Variants in TACC1 observed in about 807,000 individuals in gnomAD.
The protein encoded by TACC1 is transforming acidic coiled-coil-containing protein 1.
TACC1 carries 48 observed loss-of-function variants against 84.4 expected under a neutral mutation model. The ratio of observed to expected loss-of-function variants is 0.57; its 90% CI spans 0.45 to 0.72. The LOEUF (loss-of-function observed/expected upper bound fraction) is 0.72. Among genes scored for constraint, TACC1 ranks in the 30% least tolerant of loss-of-function variants. TACC1 has a pLI of 0.00. For missense variants in TACC1, 920 were observed against 973.0 expected (o/e 0.95, Z 0.72); for synonymous variants, 372 against 376.3 (o/e 0.99, Z 0.13).
intron 1 of TACC1, chr8:38,742,215 G>T: frequency 2.3e-6 from 1 of 427,510 alleles, no homozygotes; most frequent in Non-Finnish European, 4.1e-6. Context: ...GTTAGAAAAC[G>T]GTGACACACA....
At chr8:38,787,995 G>T (rs1817691222) in intron 1 of TACC1, 1 of 493,738 alleles carries the variant, frequency 2.0e-6, no homozygotes, top group Non-Finnish European at 3.5e-6. Flanking sequence ...CCGCATCCCC[G>T]CTGGCCTCGG....
At chr8:38,728,815 A>G (rs1804339221) in intron 1 of TACC1, 1 of 152,276 alleles carries the variant, frequency 6.6e-6, no homozygotes, top group Admixed American at 6.5e-5. Flanking sequence ...CGAATCTGGA[A>G]TAAGTTCAGG....
chr8:38,787,055 C>G (rs533730050), upstream of TACC1: 36 of 897,068 alleles, frequency 4.0e-5, no homozygotes, highest in Non-Finnish European at 4.8e-5. Context: ...CCCCGGCCCT[C>G]AGTCGGGCCG....
At chr8:38,758,503 AC>A (rs1375063236) in intron 3 of TACC1, among the ~76,000 whole-genome samples, 1 of 151,954 alleles carries the variant, frequency 6.6e-6, no homozygotes, top group East Asian at 1.9e-4. Context: ...ACATGGTGAA[AC>A]CCCGTCTCTA....
At chr8:38,808,081 A>C (rs997462781) in intron 2 of TACC1, among the ~76,000 whole-genome samples, 47 of 152,204 alleles carry the variant, frequency 3.1e-4, no homozygotes, top group African/African-American at 1.1e-3. Flanking sequence ...CTTTTAATTC[A>C]TCTACTGATC....
At chr8:38,752,308 A>G (rs1236523002) in intron 3 of TACC1, among the ~76,000 whole-genome samples, 1 of 152,058 alleles carries the variant, frequency 6.6e-6, no homozygotes, top group Non-Finnish European at 1.5e-5. Context: ...CGTCTCTACT[A>G]AAATACAAAA....
At chr8:38,813,657 A>C (rs910963572) in intron 2 of TACC1, among the ~76,000 whole-genome samples, 16 of 152,176 alleles carry the variant, frequency 1.1e-4, no homozygotes, top group Non-Finnish European at 2.9e-5. Context: ...TAGGTCTCTC[A>C]TCCTGTACTT....
intron 2 of TACC1, chr8:38,802,390 G>A (rs975021027): frequency 3.3e-5 from 5 of 152,248 alleles, no homozygotes; most frequent in South Asian, 4.1e-4. Flanking sequence ...ATTCTCATAG[G>A]AGTGCGAACC....
chr8:38,807,367 TGAGAATACAG>T (rs1173700739), intron 2 of TACC1, among the ~76,000 whole-genome samples: 8 of 152,220 alleles, frequency 5.3e-5, no homozygotes, highest in African/African-American at 1.9e-4. Context: ...CGTGTGTATG[TGAGAATACAG>T]GAGACTTGTC....
At chr8:38,801,125 ATATT>A (rs1461686179) in intron 2 of TACC1, among the ~76,000 whole-genome samples, 19 of 152,332 alleles carry the variant, frequency 1.2e-4, no homozygotes, top group African/African-American at 4.3e-4. Context: ...ACTAAGTTAT[ATATT>A]CTAGATGCAA....
chr8:38,847,975 G>A lies in TACC1; in HGVS notation c.2370G>A (p.Leu790=). 2 of 1,613,872 alleles carry A rather than the reference G, an allele frequency of 1.2e-6. No homozygotes were observed. Among genetic ancestry groups the A allele is most frequent in the Middle Eastern group, 1.7e-4 (1 of 6,060 alleles). The part of the protein sequence containing the change: ...LQQKNQEIEE[L]TKICDELIAK... ...TTCAGAACCAAGAAATTGAAGAACT[G>A]ACAAAAATCTGTGATGAGCTGATTG... The change falls in exon 13 of 13, where the codon CTG becomes CTA. Residue 790 remains leucine (L), a synonymous_variant. Transcript: ENST00000317827.
intron 2 of TACC1, among the ~76,000 whole-genome samples, chr8:38,813,221 A>C (rs1444563911): frequency 6.6e-6 from 1 of 152,086 alleles, no homozygotes; most frequent in Non-Finnish European, 1.5e-5. Flanking sequence ...TTTGTTCACA[A>C]TTTTTTTAAG....
intron 3 of TACC1, among the ~76,000 whole-genome samples, chr8:38,749,297 A>AT (rs1808608620): frequency 6.6e-6 from 1 of 152,218 alleles, no homozygotes; most frequent in Non-Finnish European, 1.5e-5. Context: ...TACTGAGAGA[A>AT]TTCTGGGTTT....
chr8:38,798,112 C>T (rs1488110557), intron 2 of TACC1, among the ~76,000 whole-genome samples: 1 of 150,154 alleles, frequency 6.7e-6, no homozygotes, highest in African/African-American at 2.4e-5. Context: ...GTTTGGGTCT[C>T]TTTTTATTTT....
At position 38,763,139 on chromosome 8, in the gene TACC1, T is replaced by TTTGTTG. The variant is rs539652779; in HGVS notation, c.26+17667_26+17672dup. Among the ~76,000 whole-genome samples the TTTGTTG allele has an allele frequency of 3.9e-5, 6 of 152,078 alleles. 1 individual carries two copies. The highest frequency in any genetic ancestry group is 6.8e-3 in the Middle Eastern group (2 of 294). On this transcript the variant is annotated intron_variant, in intron 3 of 14. Transcript: ENST00000518415. The stretch of plus-strand genomic sequence containing the variant: ...CCAATGGGTGCGAAGTGGTATCTCA[T>TTTGTTG]TTGTTGTTGTTGTTGTTGTTGTTGT...
chr8:38,745,623 A>C, intron 3 of TACC1: 2 of 567,546 alleles, frequency 3.5e-6, no homozygotes, highest in Non-Finnish European at 6.3e-6. Context: ...GGCTCACTGC[A>C]GCCTCTGCCT....
rs1392999712 is a variant in TACC1 at position 38,848,153 on chromosome 8, A to C, written c.*130A>C. 3.8e-6 allele frequency: 3 copies of C among 795,630 alleles called. No individual in the cohort carries two copies. Among genetic ancestry groups the C allele is most frequent in the African/African-American group, 3.5e-5 (2 of 56,944 alleles). 49.3% of individuals were successfully genotyped at this position (795,630 alleles called of 1,614,324 possible). A position where few individuals can be genotyped will look rare whatever the true frequency, so the allele number is the denominator to read the frequency against. ...AAAAACTTAAAAAAAGCACATGCCTACTGCTGCCTGTCCCGCTTTGCTGCC... is the reference window on the plus strand; with the variant it reads ...AAAAACTTAAAAAAAGCACATGCCTCCTGCTGCCTGTCCCGCTTTGCTGCC... On this transcript the variant is annotated 3_prime_UTR_variant, in exon 13 of 13. Transcript: ENST00000317827.
intron 2 of TACC1, among the ~76,000 whole-genome samples, chr8:38,807,945 G>A (rs1052871335): frequency 2.6e-5 from 4 of 152,198 alleles, no homozygotes; most frequent in African/African-American, 9.7e-5. Flanking sequence ...AAGATCACCC[G>A]TGGGCGATTC....
rs1831616028 is a variant in TACC1, at chr8:38,843,392, A to G, written c.2225A>G (p.Asp742Gly). ...ALKIHAEEKL[D>G]KANEEIAQVR... is the part of the protein sequence containing the mutation. ...AAAATCCACGCAGAAGAGAAACTGG[A>G]CAAGTAAGAGCTTGTAAATGTTGAA... is the stretch of plus-strand genomic sequence containing the variant. The change falls in exon 11 of 13, where the codon GAC becomes GGC. Residue 742 changes from aspartate to glycine, a missense_variant. Coordinates refer to ENST00000317827, the MANE Select transcript of TACC1 (RefSeq NM_006283.3). 3 of 1,601,104 alleles carry G rather than the reference A, an allele frequency of 1.9e-6. No homozygotes were observed. The highest frequency in any genetic ancestry group is 1.7e-6 in the Non-Finnish European group (2 of 1,173,284).
Sources: allele counts gnomAD v4.1 joint callset (sites outside exome capture counted in the v4.1 genomes callset), GRCh38; gene constraint gnomAD v4.1.1; transcripts MANE v1.5; gene names NCBI Gene and HGNC (gene_info 2026-07-23, HGNC 2026-07-21).